THSD7B: variants seen among roughly 807,000 people sequenced by gnomAD.
THSD7B encodes thrombospondin type-1 domain-containing protein 7B.
Under a neutral mutation model 213.6 loss-of-function variants are expected in THSD7B, and 138 were observed. The observed-to-expected ratio is 0.65, with a 90% CI of 0.56 to 0.74. The LOEUF is 0.74. THSD7B is among the 30% of genes least tolerant of loss of function. THSD7B has a pLI of 0.00. For missense variants in THSD7B, 1,931 were observed against 1,991.5 expected (o/e 0.97, Z 0.58); for synonymous variants, 742 against 687.0 (o/e 1.08, Z -1.25).
chr2:137,062,439 A>G (rs1436076192), intron 3 of THSD7B, among the ~76,000 whole-genome samples: 1 of 151,456 alleles, frequency 6.6e-6, no homozygotes, highest in East Asian at 1.9e-4. Context: ...CTCATTTGAG[A>G]TCTCTCTTCT....
At chr2:137,401,000 A>G (rs1306845961) in intron 12 of THSD7B, among the ~76,000 whole-genome samples, 37 of 152,188 alleles carry the variant, frequency 2.4e-4, no homozygotes, top group Non-Finnish European at 4.4e-5. Context: ...CTGACATGCC[A>G]AAGAGTTAGC....
At chr2:137,503,678 A>G (rs746725599) in intron 15 of THSD7B, among the ~76,000 whole-genome samples, 15 of 152,174 alleles carry the variant, frequency 9.9e-5, no homozygotes, top group Non-Finnish European at 1.3e-4. Flanking sequence ...AATATTTGTG[A>G]ACCCTAGTTC....
At chr2:137,193,121 C>T (rs916274876) in intron 7 of THSD7B, among the ~76,000 whole-genome samples, 1 of 152,114 alleles carries the variant, frequency 6.6e-6, no homozygotes, top group Admixed American at 6.5e-5. Context: ...GCCAATCTCC[C>T]AGCGCTTTCC....
intron 4 of THSD7B, among the ~76,000 whole-genome samples, chr2:137,107,315 C>A (rs1688272835): frequency 6.6e-6 from 1 of 152,136 alleles, no homozygotes; most frequent in Admixed American, 6.5e-5. Context: ...CATGTTCTCA[C>A]TCAAAGTGGG....
intron 13 of THSD7B, 84 bp from the exon 14 acceptor site, chr2:137,411,525 A>C (rs1440481478): frequency 7.7e-7 from 1 of 1,303,362 alleles, no homozygotes; most frequent in Non-Finnish European, 1.1e-6. Flanking sequence ...AATATTCTAA[A>C]AGATTACAAA....
chr2:136,841,715 G>T (rs1406820181), intron 1 of THSD7B, among the ~76,000 whole-genome samples: 1 of 151,934 alleles, frequency 6.6e-6, no homozygotes, highest in African/African-American at 2.4e-5. Flanking sequence ...GCTTTATTTT[G>T]CTGGGTGAAC....
intron 2 of THSD7B, among the ~76,000 whole-genome samples, chr2:137,027,895 A>T (rs1420607573): frequency 6.6e-6 from 1 of 152,190 alleles, no homozygotes; most frequent in Admixed American, 6.5e-5. Context: ...TTTCTTCATC[A>T]TCAGAGAGGA....
At chr2:137,165,564 G>A (rs1028144686) in intron 6 of THSD7B, among the ~76,000 whole-genome samples, 2 of 152,090 alleles carry the variant, frequency 1.3e-5, no homozygotes, top group Non-Finnish European at 2.9e-5. Context: ...GGATCACTGA[G>A]TGGTACAAAC....
chr2:137,614,334 T>C (rs1453312914), intron 17 of THSD7B, among the ~76,000 whole-genome samples: 1 of 152,152 alleles, frequency 6.6e-6, no homozygotes, highest in African/African-American at 2.4e-5. Context: ...GTTTAGAGTA[T>C]ATAAGTGAAT....
chr2:136,888,417 A>G (rs1218725016), intron 2 of THSD7B, among the ~76,000 whole-genome samples: 1 of 152,088 alleles, frequency 6.6e-6, no homozygotes, highest in Non-Finnish European at 1.5e-5. Flanking sequence ...TACTTTAAGG[A>G]AAAAATTGCA....
chr2:137,513,024 A>G (rs181395591), intron 15 of THSD7B, among the ~76,000 whole-genome samples: 26 of 152,290 alleles, frequency 1.7e-4, no homozygotes, highest in African/African-American at 6.0e-4. Flanking sequence ...CTTCAAAGCA[A>G]CACTACTGAA....
chr2:136,854,917 C>T (rs1175797450), intron 1 of THSD7B, among the ~76,000 whole-genome samples: 2 of 152,036 alleles, frequency 1.3e-5, no homozygotes, highest in African/African-American at 4.8e-5. Context: ...AGGTGATGGG[C>T]AGCAAGGGGT....
At chr2:136,937,608 G>C (rs545267029) in intron 2 of THSD7B, among the ~76,000 whole-genome samples, 40 of 152,200 alleles carry the variant, frequency 2.6e-4, no homozygotes, top group East Asian at 3.9e-4. Context: ...ATGGTGCCTT[G>C]TATAGAGTTA....
chr2:137,288,333 A>G (rs1244270231), intron 12 of THSD7B, among the ~76,000 whole-genome samples: 3 of 152,144 alleles, frequency 2.0e-5, no homozygotes, highest in African/African-American at 7.2e-5. Context: ...TAAAAAACAA[A>G]TCACTCTTTT....
intron 2 of THSD7B, among the ~76,000 whole-genome samples, chr2:136,985,760 A>T (rs1363582278): frequency 2.0e-5 from 3 of 152,226 alleles, no homozygotes; most frequent in Non-Finnish European, 4.4e-5. Flanking sequence ...TTATGTAGCC[A>T]CCAGCAGCTT....
intron 5 of THSD7B, among the ~76,000 whole-genome samples, chr2:137,124,156 A>G (rs1414060776): frequency 6.6e-6 from 1 of 152,174 alleles, no homozygotes; most frequent in Non-Finnish European, 1.5e-5. Flanking sequence ...AGACTAGTGC[A>G]TTTACAATCT....
intron 12 of THSD7B, among the ~76,000 whole-genome samples, chr2:137,330,780 A>G (rs985311041): frequency 6.6e-6 from 1 of 152,074 alleles, no homozygotes; most frequent in Admixed American, 6.5e-5. Context: ...AAGCTTCCAC[A>G]GTGTGGAAGG....
At chr2:137,080,807 C>T (rs781371114) in intron 3 of THSD7B, among the ~76,000 whole-genome samples, 1 of 152,112 alleles carries the variant, frequency 6.6e-6, no homozygotes, top group African/African-American at 2.4e-5. Context: ...ACCCCATTCT[C>T]ATTGTAATAT....
chr2:137,242,070 A>G (rs767952513), intron 9 of THSD7B, among the ~76,000 whole-genome samples: 3 of 152,166 alleles, frequency 2.0e-5, no homozygotes, highest in Non-Finnish European at 2.9e-5. Context: ...TTTCTTTTGT[A>G]GAATATTGCT....
Sources: gnomAD v4.1 joint callset for allele counts (sites outside exome capture counted in the v4.1 genomes callset) on GRCh38, gnomAD v4.1.1 for gene constraint, MANE v1.5 for transcripts, NCBI Gene and HGNC (gene_info 2026-07-23, HGNC 2026-07-21) for gene names.